Variants in SSH1 observed in about 807,000 individuals in gnomAD.
SSH1 encodes slingshot protein phosphatase 1.
In SSH1, 43 loss-of-function variants were observed where a neutral mutation model predicts 79.7. That is an observed-to-expected ratio of 0.54 (90% CI 0.42 to 0.70). SSH1 has a LOEUF of 0.70. Among genes scored for constraint, SSH1 ranks in the 30% least tolerant of loss-of-function variants. The probability of loss-of-function intolerance (pLI) is 0.00; values close to 1 mark genes in which losing one functional copy is unlikely to be tolerated. For missense variants in SSH1, 1,206 were observed against 1,358.8 expected (o/e 0.89, Z 1.77); for synonymous variants, 599 against 538.3 (o/e 1.11, Z -1.56).
chr12:108,854,874 C>G (rs1175914482), intron 1 of SSH1, among the ~76,000 whole-genome samples: 2 of 152,232 alleles, frequency 1.3e-5, no homozygotes, highest in Non-Finnish European at 2.9e-5. Context: ...TGACCCCATA[C>G]ACACTTGCTG....
chr12:108,795,872 C>T (rs1327211475), intron 13 of SSH1, among the ~76,000 whole-genome samples: 1 of 152,020 alleles, frequency 6.6e-6, no homozygotes, highest in Non-Finnish European at 1.5e-5. Flanking sequence ...ATTTGCCACC[C>T]TGACCTCTTT....
At chr12:108,811,179 C>T in intron 6 of SSH1, 81 bp downstream of exon 6, 1 of 1,274,624 alleles carries the variant, frequency 7.8e-7, no homozygotes, top group Admixed American at 1.7e-5. Flanking sequence ...TGCTAATGAT[C>T]ATCCAAGGAT....
At chr12:108,834,939 A>G (rs1262517422) in intron 2 of SSH1, among the ~76,000 whole-genome samples, 1 of 152,074 alleles carries the variant, frequency 6.6e-6, no homozygotes, top group Non-Finnish European at 1.5e-5. Context: ...TGCCCTGGGC[A>G]CACTGGGCAC....
Position 108,826,271 on chromosome 12 carries a change from G to A in SSH1, c.111-2910C>T, listed in dbSNP as rs976607428. The A allele has an allele frequency of 1.1e-4, 44 of 413,386 alleles. No homozygotes were observed. The Admixed American group carries it at 1.3e-3, about 12-fold the overall frequency. 25.6% of individuals were successfully genotyped at this position (413,386 alleles called of 1,614,324 possible). A position where few individuals can be genotyped will look rare whatever the true frequency, so the allele number is the denominator to read the frequency against. On this transcript the variant is annotated intron_variant, in intron 2 of 14. Transcript: ENST00000326495. The stretch of plus-strand genomic sequence containing the variant: ...TCTGTGATCACTTACAAGGCCAGCT[G>A]TTCCTCCTCCATGTTCCTACACTGA...
intron 6 of SSH1, among the ~76,000 whole-genome samples, 177 bp from the exon 7 acceptor site, chr12:108,809,935 A>G (rs2037492356): frequency 6.6e-6 from 1 of 152,182 alleles, no homozygotes; most frequent in South Asian, 2.1e-4. Context: ...AAGGGCAGAA[A>G]GAGACACATT....
Position 108,784,988 on chromosome 12 carries a change from G to T in SSH1, c.*3000C>A, listed in dbSNP as rs1167474870. The T allele has an allele frequency of 6.6e-6, 1 of 152,200 alleles. No individual in the cohort carries two copies. Among genetic ancestry groups the T allele is most frequent in the Non-Finnish European group, 1.5e-5 (1 of 68,054 alleles). 9.4% of individuals were successfully genotyped at this position (152,200 alleles called of 1,614,324 possible). ...TTTGGAATTTTCCCCATCAGCTAAGGTTGCATACAAAGCAAGGGCCAAGCT... is the reference window on the plus strand; with the variant it reads ...TTTGGAATTTTCCCCATCAGCTAAGTTTGCATACAAAGCAAGGGCCAAGCT... On this transcript the variant is annotated 3_prime_UTR_variant, in exon 15 of 15. Coordinates refer to ENST00000326495, the MANE Select transcript of SSH1 (RefSeq NM_018984.4).
chr12:108,807,710 C>T lies in SSH1; in HGVS notation c.654G>A (p.Gln218=). 6.2e-7 allele frequency: 1 copy of T among 1,613,376 alleles called. No individual in the cohort carries two copies. The highest frequency in any genetic ancestry group is 2.2e-5 in the East Asian group (1 of 44,800). Residue 218 remains glutamine (Q), a synonymous_variant, in exon 8 of 15, where the codon CAG becomes CAA. Transcript: ENST00000326495. This position sits in a 1 kb window ranked among gnomAD's most constrained non-coding sequence, Gnocchi z 5.2. ...TGGCGTTCCACTCGTTGATGCAGCT[C>T]TGCTCGGAGCTGATGCAGCTCTCAT... ...TYYESCISSE[Q]SCINEWNAMQ...
chr12:108,791,995 A>G (rs953431442), intron 14 of SSH1: 1 of 1,334,896 alleles, frequency 7.5e-7, no homozygotes, highest in Admixed American at 3.4e-5. Flanking sequence ...TGCCCAGGGT[A>G]TGAATAAGGT....
rs1184781573 is a variant in SSH1, at chr12:108,854,763, G to GA, written c.70-2086dup. Among the ~76,000 whole-genome samples the GA allele has an allele frequency of 1.9e-4, 29 of 152,208 alleles. 1 individual carries two copies. The highest frequency in any genetic ancestry group is 1.6e-3 in the Admixed American group (24 of 15,276). ...AAACTACATCTGCCAAGGAACACAT[G>GA]AAAGAGGTAATTCAGTCCTTTTAGA... is the stretch of plus-strand genomic sequence containing the variant. On this transcript the variant is annotated intron_variant, in intron 1 of 14. Coordinates refer to ENST00000326495, the MANE Select transcript of SSH1 (RefSeq NM_018984.4).
At chr12:108,818,106 G>T in intron 4 of SSH1, 143 bp downstream of exon 4, 2 of 686,780 alleles carry the variant, frequency 2.9e-6, no homozygotes, top group Non-Finnish European at 2.6e-6. Flanking sequence ...GCTGAGGTGG[G>T]AAGATTGCTT....
At chr12:108,798,709 C>T (rs941110120) in intron 13 of SSH1, among the ~76,000 whole-genome samples, 3 of 152,262 alleles carry the variant, frequency 2.0e-5, no homozygotes, top group Non-Finnish European at 2.9e-5. Context: ...GCCACACACA[C>T]GAGGCCAGGC....
Position 108,807,745 on chromosome 12 carries a change from C to T in SSH1, c.619G>A (p.Ala207Thr), listed in dbSNP as rs1471453282. Residue 207 changes from alanine to threonine, a missense_variant, in exon 8 of 15, where the codon GCT becomes ACT. Ala to Thr is a moderately conservative substitution (Grantham distance 58). This residue lies in a region of SSH1 where 116 missense variants were observed against 109.0 expected (regional missense o/e 1.06). Coordinates refer to ENST00000326495, the MANE Select transcript of SSH1 (RefSeq NM_018984.4). The surrounding 1 kb of genome is among the most constrained non-coding windows in gnomAD (Gnocchi z 5.2). ...YFPGGVALIW[A>T]TYYESCISSE... ...CTGATGCAGCTCTCATAGTAGGTAG[C>T]CCAGATGAGAGCTACACCCCCGGGG... The T allele has an allele frequency of 5.0e-6, 8 of 1,613,344 alleles. No homozygotes were observed. Among genetic ancestry groups the T allele is most frequent in the East Asian group, 2.2e-5 (1 of 44,838 alleles).
At chr12:108,841,579 G>A (rs772743372) in intron 2 of SSH1, among the ~76,000 whole-genome samples, 5 of 151,946 alleles carry the variant, frequency 3.3e-5, no homozygotes, top group Admixed American at 1.3e-4. Context: ...AGGCCGAGGC[G>A]AGTGGATCAC....
chr12:108,817,163 G>A lies in SSH1; in HGVS notation c.280-4C>T, dbSNP rs376655495. The A allele has an allele frequency of 1.9e-6, 3 of 1,613,512 alleles. No individual in the cohort carries two copies. The African/African-American group carries it at 4.0e-5, about 22-fold the overall frequency. ...AGGCGCTCTCCAGGCGCACTGCCTG[G>A]AACAGGGCAGACATGCTCTCACTAA... is the stretch of plus-strand genomic sequence containing the variant. On this transcript the variant is annotated splice_polypyrimidine_tract_variant and splice_region_variant and intron_variant, in intron 4 of 14. Transcript: ENST00000326495.
Position 108,788,165 on chromosome 12 carries a change from G to A in SSH1, c.2973C>T (p.Asp991=). ...KLGSLTFSTE[D]LSSEADPSTV... ...TGGACGGGTCAGCCTCACTGGACAG[G>A]TCTTCCGTTGAGAAGGTGAGACTCC... The change falls in exon 15 of 15, where the codon GAC becomes GAT. Residue 991 remains aspartate (D), a synonymous_variant. Coordinates refer to ENST00000326495, the MANE Select transcript of SSH1 (RefSeq NM_018984.4). 1 of 1,614,050 alleles carries A rather than the reference G, an allele frequency of 6.2e-7. No individual in the cohort carries two copies. The highest frequency in any genetic ancestry group is 1.1e-5 in the South Asian group (1 of 91,064).
At chr12:108,837,629 G>A (rs534889474) in intron 2 of SSH1, among the ~76,000 whole-genome samples, 44 of 152,300 alleles carry the variant, frequency 2.9e-4, no homozygotes, top group South Asian at 1.7e-3. Flanking sequence ...TTTTATCGAC[G>A]TAGTATTTTA....
intron 13 of SSH1, among the ~76,000 whole-genome samples, chr12:108,795,359 C>T (rs1325101862): frequency 3.3e-5 from 5 of 151,980 alleles, no homozygotes; most frequent in East Asian, 1.9e-4. Flanking sequence ...AAGCAATCCT[C>T]GTGCCTCAGC....
At chr12:108,793,397 CCTT>C (rs756508780) in intron 13 of SSH1, among the ~76,000 whole-genome samples, 56 of 145,844 alleles carry the variant, frequency 3.8e-4, no homozygotes, top group South Asian at 1.4e-3. Context: ...TTTTATAATC[CCTT>C]TTTTTTTTTT....
rs1398099927 is a variant in SSH1 at position 108,784,536 on chromosome 12, TAA to T, written c.*3450_*3451del. The T allele has an allele frequency of 6.6e-6, 1 of 152,102 alleles. No homozygotes were observed. Among genetic ancestry groups the T allele is most frequent in the African/African-American group, 2.4e-5 (1 of 41,412 alleles). The allele number at this position is 152,102 out of a possible 1,614,324, so 9.4% of individuals were successfully genotyped here. A position where few individuals can be genotyped will look rare whatever the true frequency, so the allele number is the denominator to read the frequency against. On this transcript the variant is annotated 3_prime_UTR_variant, in exon 15 of 15. Transcript: ENST00000326495. The stretch of plus-strand genomic sequence containing the variant: ...AGGAAGCAGGGAATGTAAAGAGAAA[TAA>T]ACTCTGCTCTTAGGAAATACATGCA...
Sources: gnomAD v4.1 joint callset for allele counts (sites outside exome capture counted in the v4.1 genomes callset) on GRCh38, gnomAD v4.1.1 for gene constraint, gnomAD v4.1.1 regional missense constraint, Gnocchi (gnomAD v3.1) non-coding constraint, MANE v1.5 for transcripts, NCBI Gene and HGNC (gene_info 2026-07-23, HGNC 2026-07-21) for gene names.